Variants in ATP6V1A observed in about 807,000 individuals in gnomAD.
ATP6V1A encodes the protein V-type proton ATPase catalytic subunit A.
Under a neutral mutation model 70.1 loss-of-function variants are expected in ATP6V1A, and 18 were observed. That is an observed-to-expected ratio of 0.26 (90% CI 0.18 to 0.38). The LOEUF (loss-of-function observed/expected upper bound fraction) is 0.38, where lower values mean the gene tolerates loss of function less well. Ranked by LOEUF, ATP6V1A falls within the 10% of genes least tolerant of loss-of-function variation. The pLI is 1.00. For missense variants in ATP6V1A, 424 were observed against 772.4 expected (o/e 0.55, Z 5.35); for synonymous variants, 232 against 253.8 (o/e 0.91, Z 0.82).
At chr3:113,800,246 A>G (rs1032996861) in intron 12 of ATP6V1A, among the ~76,000 whole-genome samples, 2 of 151,914 alleles carry the variant, frequency 1.3e-5, no homozygotes, top group Non-Finnish European at 2.9e-5. Flanking sequence ...AAAAAAAAAA[A>G]AGACGCAATT....
chr3:113,757,026 T>G (rs1708653472), intron 1 of ATP6V1A, among the ~76,000 whole-genome samples: 2 of 152,168 alleles, frequency 1.3e-5, no homozygotes, highest in Admixed American at 6.5e-5. Context: ...ACACACTTGG[T>G]TTCAGTGCCC....
intron 1 of ATP6V1A, among the ~76,000 whole-genome samples, chr3:113,762,779 G>C (rs957631115): frequency 1.3e-5 from 2 of 151,996 alleles, no homozygotes; most frequent in African/African-American, 4.8e-5. Context: ...TGTGGGGGGG[G>C]AATACTGTAG....
At chr3:113,790,764 A>C (rs1709082853) in intron 8 of ATP6V1A, among the ~76,000 whole-genome samples, 3 of 152,210 alleles carry the variant, frequency 2.0e-5, no homozygotes, top group Admixed American at 6.5e-5. Context: ...TTCTTCAAGA[A>C]GACTTATGGC....
At chr3:113,770,640 C>G (rs191805420) in intron 1 of ATP6V1A, among the ~76,000 whole-genome samples, 1 of 152,098 alleles carries the variant, frequency 6.6e-6, no homozygotes, top group East Asian at 1.9e-4. Context: ...CATCGTGCCA[C>G]CGCACTCCAG....
rs577496890 is a variant in ATP6V1A at position 113,773,817 on chromosome 3, A to G, written c.-13-4924A>G. 7.9e-5 allele frequency among the ~76,000 whole-genome samples: 12 copies of G among 152,288 alleles called. No homozygotes were observed. The South Asian group carries it at 1.5e-3, about 18-fold the overall frequency. ...CCTGCCCAACTCTAGGTTAGATGCC[A>G]TTGCTTTATGCTCTTCTAAATCTCC... On this transcript the variant is annotated intron_variant, in intron 1 of 14. Transcript: ENST00000273398.
At chr3:113,755,649 A>G (rs916128631) in intron 1 of ATP6V1A, among the ~76,000 whole-genome samples, 2 of 152,188 alleles carry the variant, frequency 1.3e-5, no homozygotes, top group African/African-American at 4.8e-5. Flanking sequence ...TCAGTCAATT[A>G]GGTGCAATAT....
intron 3 of ATP6V1A, among the ~76,000 whole-genome samples, chr3:113,782,710 G>T (rs956685710): frequency 2.7e-5 from 4 of 150,838 alleles, no homozygotes; most frequent in Admixed American, 2.6e-4. Flanking sequence ...TGCAACCTCC[G>T]CCTCCCAGGT....
At chr3:113,764,986 C>A (rs1332410201) in intron 1 of ATP6V1A, among the ~76,000 whole-genome samples, 5 of 146,024 alleles carry the variant, frequency 3.4e-5, no homozygotes, top group Non-Finnish European at 7.5e-5. Context: ...AGACCCAGAC[C>A]CTGTCTTAAT....
At chr3:113,808,287 CT>C (rs748064694) in intron 14 of ATP6V1A, among the ~76,000 whole-genome samples, 27,682 of 89,012 alleles carry the variant, frequency 0.31, 3,181 homozygotes, top group African/African-American at 0.34. Context: ...AAGTCTGTCT[CT>C]TTTTTTTTTT....
intron 3 of ATP6V1A, among the ~76,000 whole-genome samples, chr3:113,782,459 T>G (rs888996776): frequency 8.6e-5 from 13 of 151,082 alleles, no homozygotes; most frequent in African/African-American, 2.7e-4. Context: ...TCCCTTTATT[T>G]TATATCCTTC....
intron 1 of ATP6V1A, among the ~76,000 whole-genome samples, chr3:113,755,217 A>G (rs756145320): frequency 6.6e-6 from 1 of 152,062 alleles, no homozygotes; most frequent in Admixed American, 6.6e-5. Context: ...ATTTTTCTCA[A>G]CTTTAAAATA....
Position 113,795,233 on chromosome 3 carries a change from A to G in ATP6V1A, c.1226+29A>G, listed in dbSNP as rs1397329283. The G allele has an allele frequency of 3.1e-6, 5 of 1,599,820 alleles. No individual in the cohort carries two copies. In the African/African-American group the frequency reaches 5.4e-5, roughly 17 times the overall value. On this transcript the variant is annotated intron_variant, in intron 10 of 14. Transcript: ENST00000273398. ...AGCACCCACACTATTTACTTTGCAA[A>G]AGGAAAAAAGTCACAGATGTATTAA...
intron 12 of ATP6V1A, among the ~76,000 whole-genome samples, chr3:113,803,068 A>G (rs1175096641): frequency 6.6e-6 from 1 of 152,110 alleles, no homozygotes; most frequent in African/African-American, 2.4e-5. Context: ...TATATATACA[A>G]TGAGATATTA....
intron 9 of ATP6V1A, 47 bp downstream of exon 9, chr3:113,795,041 T>C (rs1709138913): frequency 6.2e-7 from 1 of 1,613,212 alleles, no homozygotes; most frequent in Non-Finnish European, 8.5e-7. Context: ...GATGGGATTT[T>C]CGGGGCTGGC....
rs1471785663 is a variant in ATP6V1A at position 113,802,477 on chromosome 3, C to A, written c.1495-1106C>A. On this transcript the variant is annotated intron_variant, in intron 12 of 14. Coordinates refer to ENST00000273398, the MANE Select transcript of ATP6V1A (RefSeq NM_001690.4). ...CCCCGAGTAGCTGGGACTACAGGCG[C>A]CCTACCACACCTAGCTAATTTTTGT... Among the ~76,000 whole-genome samples the A allele has an allele frequency of 2.0e-5, 3 of 151,698 alleles. No individual in the cohort carries two copies. The East Asian group carries it at 5.8e-4, about 29-fold the overall frequency.
intron 5 of ATP6V1A, among the ~76,000 whole-genome samples, chr3:113,785,170 G>T (rs975445093): frequency 1.3e-5 from 2 of 152,204 alleles, no homozygotes; most frequent in Non-Finnish European, 2.9e-5. Context: ...GACCGGGCAT[G>T]TAGGCTCACG....
In ATP6V1A at chr3:113,803,689, T is replaced by C; in HGVS notation, c.1589+12T>C. ...ACTCCTTATGACAGGTAAGCTATAT[T>C]GATTTCCTTTTTTTATTTGAGGATT... On this transcript the variant is annotated intron_variant, in intron 13 of 14. Coordinates refer to ENST00000273398, the MANE Select transcript of ATP6V1A (RefSeq NM_001690.4). The C allele has an allele frequency of 6.4e-7, 1 of 1,568,132 alleles. No homozygotes were observed. The highest frequency in any genetic ancestry group is 1.2e-5 in the South Asian group (1 of 86,286).
In ATP6V1A at chr3:113,781,210, T is replaced by C. The variant is rs548871565; in HGVS notation, c.211+32T>C. 46 of 1,582,648 alleles carry C rather than the reference T, an allele frequency of 2.9e-5. No homozygotes were observed. The East Asian group carries it at 9.0e-4, about 31-fold the overall frequency. On this transcript the variant is annotated intron_variant, in intron 3 of 14. Transcript: ENST00000273398. ...TTTTTGGCTCAATTTCCTGCCACTT[T>C]CTATATTTCAAAATTTAAGGATTTA...
At chr3:113,768,131 G>A (rs191934044) in intron 1 of ATP6V1A, among the ~76,000 whole-genome samples, 1 of 152,086 alleles carries the variant, frequency 6.6e-6, no homozygotes, top group Non-Finnish European at 1.5e-5. Context: ...AAATAGAAGA[G>A]TGTGTGTGTG....
Sources: gnomAD v4.1 joint callset for allele counts (sites outside exome capture counted in the v4.1 genomes callset) on GRCh38, gnomAD v4.1.1 for gene constraint, MANE v1.5 for transcripts, NCBI Gene and HGNC (gene_info 2026-07-23, HGNC 2026-07-21) for gene names.